Variants in RGS6 observed in about 807,000 individuals in gnomAD.
RGS6 encodes regulator of G-protein signaling 6.
Under a neutral mutation model 78.5 loss-of-function variants are expected in RGS6, and 30 were observed. The observed-to-expected ratio is 0.38, with a 90% CI of 0.29 to 0.52. RGS6 has a LOEUF of 0.52. Among genes scored for constraint, RGS6 ranks in the 20% least tolerant of loss-of-function variants. The pLI, the probability that RGS6 is intolerant of heterozygous loss-of-function variation, is 0.85. For missense variants in RGS6, 495 were observed against 609.7 expected (o/e 0.81, Z 1.98); for synonymous variants, 206 against 206.0 (o/e 1.00, Z 0.00).
At chr14:72,357,966 G>T (rs1355463050) in intron 3 of RGS6, among the ~76,000 whole-genome samples, 1 of 152,326 alleles carries the variant, frequency 6.6e-6, no homozygotes, top group Non-Finnish European at 1.5e-5. Context: ...CCCCACTGCT[G>T]TGTGCAGCCT....
At chr14:72,163,750 G>A (rs1023622453) in intron 2 of RGS6, among the ~76,000 whole-genome samples, 1 of 152,058 alleles carries the variant, frequency 6.6e-6, no homozygotes, top group Middle Eastern at 3.2e-3. Context: ...AGGTGTGGTG[G>A]CACTCACCTG....
intron 12 of RGS6, among the ~76,000 whole-genome samples, chr14:72,489,156 G>GTC (rs779527255): frequency 7.0e-6 from 1 of 142,002 alleles, no homozygotes; most frequent in Non-Finnish European, 1.5e-5. Context: ...GACAAAGGGG[G>GTC]CCCCCCCACC....
intron 16 of RGS6, among the ~76,000 whole-genome samples, chr14:72,536,532 T>TG (rs1175475168): frequency 1.3e-5 from 2 of 151,484 alleles, no homozygotes; most frequent in African/African-American, 2.4e-5. Context: ...ATGGTGGGGG[T>TG]GGGTACGTAG....
intron 2 of RGS6, among the ~76,000 whole-genome samples, chr14:71,975,530 C>T (rs2094066566): frequency 6.6e-6 from 1 of 151,944 alleles, no homozygotes; most frequent in Admixed American, 6.6e-5. Flanking sequence ...GCAACCTTGG[C>T]TCACTGCAGC....
intron 3 of RGS6, among the ~76,000 whole-genome samples, chr14:72,414,969 G>C (rs113543653): frequency 1.3e-5 from 2 of 152,194 alleles, no homozygotes; most frequent in Admixed American, 6.5e-5. Flanking sequence ...CCTACTGGGG[G>C]GGTGCCTCCC....
chr14:72,188,695 C>A (rs189211843), intron 2 of RGS6, among the ~76,000 whole-genome samples: 39 of 152,242 alleles, frequency 2.6e-4, no homozygotes, highest in African/African-American at 7.9e-4. Flanking sequence ...CCCTGTGTTG[C>A]GACACAGCCT....
chr14:71,970,372 G>T (rs2093730151), intron 2 of RGS6, among the ~76,000 whole-genome samples: 1 of 152,078 alleles, frequency 6.6e-6, no homozygotes. Context: ...CCTTTATGTT[G>T]CTCTGATACC....
chr14:72,217,708 C>T (rs975386525), intron 2 of RGS6, among the ~76,000 whole-genome samples: 1 of 152,152 alleles, frequency 6.6e-6, no homozygotes, highest in African/African-American at 2.4e-5. Flanking sequence ...TGAGCATGAG[C>T]ATCCTTCCAT....
At chr14:71,869,549 T>G in the RGS6 span, among the ~76,000 whole-genome samples, 1 of 152,242 alleles carries the variant, frequency 6.6e-6, no homozygotes, top group African/African-American at 2.4e-5. Flanking sequence ...CTTAACAAGC[T>G]TCCCCAACAA....
chr14:72,291,040 T>C (rs1595387831), intron 2 of RGS6, among the ~76,000 whole-genome samples: 1 of 152,076 alleles, frequency 6.6e-6, no homozygotes, highest in East Asian at 1.9e-4. Flanking sequence ...CTCTTTTCCC[T>C]GCCTGTGCTC....
chr14:71,939,267 C>A (rs561533574), intron 1 of RGS6, among the ~76,000 whole-genome samples: 1 of 152,190 alleles, frequency 6.6e-6, no homozygotes, highest in Non-Finnish European at 1.5e-5. Flanking sequence ...ACAGGCCCCA[C>A]ACCACTGGAC....
intron 2 of RGS6, among the ~76,000 whole-genome samples, chr14:72,036,286 TTTTG>T (rs1192188101): frequency 6.6e-6 from 1 of 151,672 alleles, no homozygotes; most frequent in Non-Finnish European, 1.5e-5. Context: ...TTTTGTTTTG[TTTTG>T]TTTTTCACCC....
At chr14:72,270,521 G>A (rs924202841) in intron 2 of RGS6, among the ~76,000 whole-genome samples, 1 of 152,210 alleles carries the variant, frequency 6.6e-6, no homozygotes, top group Non-Finnish European at 1.5e-5. Flanking sequence ...ACACATTTTG[G>A]TGTGGTTGGC....
At chr14:72,412,990 A>C (rs915891576) in intron 3 of RGS6, among the ~76,000 whole-genome samples, 4 of 152,182 alleles carry the variant, frequency 2.6e-5, no homozygotes, top group Non-Finnish European at 5.9e-5. Context: ...ACTTCCAACT[A>C]TGTGGTCAAT....
chr14:71,968,612 GCCATAATGGTGT>G (rs2093646820), intron 2 of RGS6, among the ~76,000 whole-genome samples: 1 of 152,180 alleles, frequency 6.6e-6, no homozygotes. Context: ...TCCCATGGAA[GCCATAATGGTGT>G]CCAGGGAGCC....
chr14:72,254,826 C>T (rs951996855), intron 2 of RGS6, among the ~76,000 whole-genome samples: 1 of 152,154 alleles, frequency 6.6e-6, no homozygotes, highest in Non-Finnish European at 1.5e-5. Context: ...GGGGCTCAGG[C>T]TCATTAGCAC....
rs2075043240 is a variant in RGS6, at chr14:72,345,590, C to T, written c.85-6505C>T. Reference sequence around the variant, plus strand: ...TGTGGTGGCATTCCTCAGTGTTTCACTTCCAACCTCCTTGGAACCCATGCT... The same window carrying T: ...TGTGGTGGCATTCCTCAGTGTTTCATTTCCAACCTCCTTGGAACCCATGCT... On this transcript the variant is annotated intron_variant, in intron 2 of 17. Coordinates refer to ENST00000553525, the MANE Select transcript of RGS6 (RefSeq NM_001204424.2). Among the ~76,000 whole-genome samples, 2 of 152,190 alleles carry T rather than the reference C, an allele frequency of 1.3e-5. 1 individual carries two copies. The highest frequency in any genetic ancestry group is 4.1e-4 in the South Asian group (2 of 4,826).
At chr14:72,012,253 CCACT>C (rs1194672448) in intron 2 of RGS6, among the ~76,000 whole-genome samples, 1 of 152,106 alleles carries the variant, frequency 6.6e-6, no homozygotes, top group Non-Finnish European at 1.5e-5. Context: ...TGTGGTATGA[CCACT>C]CAGAGGTAAG....
intron 3 of RGS6, among the ~76,000 whole-genome samples, chr14:72,405,041 G>A (rs1477412509): frequency 1.3e-5 from 2 of 152,302 alleles, no homozygotes. Context: ...CAAGGTTGCA[G>A]GGAAACAGAC....
Sources: allele counts gnomAD v4.1 joint callset (sites outside exome capture counted in the v4.1 genomes callset), GRCh38; gene constraint gnomAD v4.1.1; transcripts MANE v1.5; gene names NCBI Gene and HGNC (gene_info 2026-07-23, HGNC 2026-07-21).